Variants in ZNF717 observed in about 807,000 individuals in gnomAD.
ZNF717 encodes krueppel-like factor X17.
ZNF717 carries 9 observed loss-of-function variants against 13.8 expected under a neutral mutation model. That is an observed-to-expected ratio of 0.65 (90% CI 0.39 to 1.14). The LOEUF (loss-of-function observed/expected upper bound fraction) is 1.14, where lower values mean the gene tolerates loss of function less well. Ranked by LOEUF, ZNF717 falls within the 50% of genes most tolerant of loss-of-function variation. The probability of loss-of-function intolerance (pLI) is 0.01; values close to 1 mark genes in which losing one functional copy is unlikely to be tolerated. For missense variants in ZNF717, 1,040 were observed against 1,080.7 expected, an observed-to-expected ratio of 0.96 and a Z score of 0.53; for synonymous variants, 327 against 364.1, an observed-to-expected ratio of 0.90 and a Z score of 1.16.
In ZNF717 at chr3:75,737,963, G is replaced by A. The variant is rs1456821884; in HGVS notation, c.1660C>T (p.His554Tyr). The stretch of plus-strand genomic sequence containing the variant: ...GGTTTTTCCCCTGTGTGAGTTCTGT[G>A]ATGTACTGTAAGGTATGACTTGTGG... ...YSHKSYLTVH[H>Y]RTHTGEKPYE... Residue 554 changes from histidine to tyrosine, a missense_variant, in exon 5 of 5, where the codon CAC (histidine) becomes TAC (tyrosine). By Grantham distance (83) the His-to-Tyr change is moderately conservative. Around this residue, in one of 3 missense-constraint regions of ZNF717, gnomAD observed 873 missense variants for 832.8 expected, o/e 1.05. Coordinates refer to ENST00000652011, the MANE Select transcript of ZNF717 (RefSeq NM_001290208.3). The A allele has an allele frequency of 2.0e-5, 31 of 1,554,476 alleles. No homozygotes were observed. Among genetic ancestry groups the A allele is most frequent in the Non-Finnish European group, 2.4e-5 (28 of 1,148,974 alleles).
intron 2 of ZNF717, among the ~76,000 whole-genome samples, chr3:75,755,011 C>A (rs58671824): frequency 6.3e-4 from 89 of 141,908 alleles, no homozygotes; most frequent in African/African-American, 2.2e-3. Flanking sequence ...ATTGCAGAAA[C>A]TGTGAAAGCA....
At chr3:75,780,768 C>T (rs1440879588) in intron 2 of ZNF717, among the ~76,000 whole-genome samples, 1 of 152,166 alleles carries the variant, frequency 6.6e-6, no homozygotes, top group Non-Finnish European at 1.5e-5. Flanking sequence ...GCAATAGGTC[C>T]CAACAGACCA....
intron 2 of ZNF717, among the ~76,000 whole-genome samples, chr3:75,772,304 GAGA>G (rs1418905265): frequency 6.6e-6 from 1 of 152,264 alleles, no homozygotes; most frequent in African/African-American, 2.4e-5. Context: ...CTGGATGCAG[GAGA>G]AGAACTCGGG....
chr3:75,741,716 C>T lies in ZNF717; in HGVS notation c.78G>A (p.Glu26=). The part of the protein sequence containing the change: ...NKSLELVSFE[E]VAVHFTWEEW... ...CCTCCCAGGTGAAGTGCACAGCTAC[C>T]TCCTCAAAGGACACCAACTCCTGTA... Residue 26 remains glutamate (E), a synonymous_variant, in exon 3 of 5, where the codon GAG becomes GAA. Coordinates refer to ENST00000652011, the MANE Select transcript of ZNF717 (RefSeq NM_001290208.3). The T allele has an allele frequency of 1.3e-6, 2 of 1,515,782 alleles. No homozygotes were observed. Among genetic ancestry groups the T allele is most frequent in the Non-Finnish European group, 1.8e-6 (2 of 1,127,738 alleles). The allele number at this position is 1,515,782 out of a possible 1,614,324, so 93.9% of individuals were successfully genotyped here.
Position 75,737,574 on chromosome 3 carries a change from A to T in ZNF717, c.2049T>A (p.Leu683=), listed in dbSNP as rs1284295132. The T allele has an allele frequency of 6.5e-7, 1 of 1,545,044 alleles. No homozygotes were observed. The highest frequency in any genetic ancestry group is 1.2e-5 in the South Asian group (1 of 83,714). ...NRMDVMNVEK[L]FVRNHTLLYI... Reference sequence around the variant, plus strand: ...ATAATAAGGTATGATTTCTGACAAAAAGTTTTTCCACATTCATTACATCCA... The same window carrying T: ...ATAATAAGGTATGATTTCTGACAAATAGTTTTTCCACATTCATTACATCCA... Residue 683 remains leucine (L), a synonymous_variant, in exon 5 of 5, where the codon CTT becomes CTA. Coordinates refer to ENST00000652011, the MANE Select transcript of ZNF717 (RefSeq NM_001290208.3).
chr3:75,705,624 T>TC (rs1937789311), downstream of ZNF717, among the ~76,000 whole-genome samples: 1 of 152,068 alleles, frequency 6.6e-6, no homozygotes, highest in African/African-American at 2.4e-5. Context: ...CCCCTTCAAG[T>TC]CTTGTCTTAC....
At chr3:75,765,035 ATGTGTGTGTGTGTGTGTG>A (rs150835839) in intron 2 of ZNF717, among the ~76,000 whole-genome samples, 3 of 81,788 alleles carry the variant, frequency 3.7e-5, no homozygotes, top group Non-Finnish European at 5.6e-5. Context: ...ATATATGTAT[ATGTGTGTGTGTGTGTGTG>A]TGTGTATATG....
intron 2 of ZNF717, among the ~76,000 whole-genome samples, chr3:75,766,579 C>A (rs1292752644): frequency 6.6e-6 from 1 of 152,206 alleles, no homozygotes; most frequent in African/African-American, 2.4e-5. Context: ...AGGAAGTTGA[C>A]AATCCACAAT....
chr3:75,741,451 CT>C, intron 3 of ZNF717, 83 bp from the exon 4 acceptor site: 1 of 1,373,328 alleles, frequency 7.3e-7, no homozygotes, highest in African/African-American at 1.4e-5. Flanking sequence ...GCTTCAGGGA[CT>C]GTGCAATGAA....
Position 75,718,340 on chromosome 3 carries a change from G to A in ZNF717, n.545-1799C>T, listed in dbSNP as rs1172469766. On this transcript the variant is annotated intron_variant and non_coding_transcript_variant, in intron 4 of 5. Transcript: ENST00000491507. ...GAAGACATTCGGCTGGGCTCCTACC[G>A]TTTATACTTATTATACCGTTACGGT... Among the ~76,000 whole-genome samples, 7 of 152,228 alleles carry A rather than the reference G, an allele frequency of 4.6e-5. No individual in the cohort carries two copies. The East Asian group carries it at 7.7e-4, about 17-fold the overall frequency.
chr3:75,782,693 T>C (rs1944901226), intron 2 of ZNF717, among the ~76,000 whole-genome samples: 1 of 143,070 alleles, frequency 7.0e-6, no homozygotes, highest in South Asian at 2.1e-4. Flanking sequence ...CCATTTCCAC[T>C]ACACAACACA....
chr3:75,783,777 G>C (rs62269681), intron 1 of ZNF717, among the ~76,000 whole-genome samples: 131 of 152,306 alleles, frequency 8.6e-4, no homozygotes, highest in African/African-American at 3.0e-3. Context: ...TCATATGAGT[G>C]TTCCCATGAC....
intron 2 of ZNF717, among the ~76,000 whole-genome samples, chr3:75,758,424 G>C (rs549952595): frequency 6.7e-6 from 1 of 149,540 alleles, no homozygotes; most frequent in African/African-American, 2.4e-5. Flanking sequence ...AATAAACTCA[G>C]TTGGTACAGC....
intron 2 of ZNF717, among the ~76,000 whole-genome samples, chr3:75,759,131 A>G (rs1005328675): frequency 6.6e-6 from 1 of 152,208 alleles, no homozygotes; most frequent in Non-Finnish European, 1.5e-5. Flanking sequence ...TTTTACATGC[A>G]CTGGGAAACC....
At chr3:75,723,978 C>T (rs1300045935) in intron 4 of ZNF717, among the ~76,000 whole-genome samples, 1 of 152,164 alleles carries the variant, frequency 6.6e-6, no homozygotes, top group Non-Finnish European at 1.5e-5. Flanking sequence ...CCGCCCTGTA[C>T]ACCTGGCTCG....
At chr3:75,728,620 GTT>G (rs1938348939), downstream of ZNF717, among the ~76,000 whole-genome samples, 2 of 152,206 alleles carry the variant, frequency 1.3e-5, no homozygotes, top group East Asian at 3.9e-4. Context: ...AGATCTGATG[GTT>G]TTATAAATGT....
chr3:75,696,755 C>T (rs369371807), intron 6 of ZNF717, among the ~76,000 whole-genome samples: 1 of 152,286 alleles, frequency 6.6e-6, no homozygotes, highest in African/African-American at 2.4e-5. Context: ...TAACCAGTCA[C>T]GGTGGTGGGT....
downstream of ZNF717, among the ~76,000 whole-genome samples, chr3:75,732,378 C>T (rs553186034): frequency 7.0e-3 from 1,071 of 152,350 alleles, 1 homozygote; most frequent in Middle Eastern, 0.014. Context: ...GAGGCCCAGT[C>T]GTAAGACTCC....
chr3:75,725,738 A>T (rs1330831022), downstream of ZNF717, among the ~76,000 whole-genome samples: 2 of 152,160 alleles, frequency 1.3e-5, no homozygotes, highest in African/African-American at 2.4e-5. Flanking sequence ...CAACCATCAG[A>T]TCTCATGAGA....
Sources: allele counts gnomAD v4.1 joint callset (sites outside exome capture counted in the v4.1 genomes callset), GRCh38; gene constraint gnomAD v4.1.1; regional missense constraint gnomAD v4.1.1; transcripts MANE v1.5; gene names NCBI Gene and HGNC (gene_info 2026-07-23, HGNC 2026-07-21).